The following ABCG2 variants were observed in gnomAD, a reference collection of about 807,000 sequenced individuals.
The protein encoded by ABCG2 is ATP binding cassette subfamily G member 2 (JR blood group), also known as broad substrate specificity ATP-binding cassette transporter ABCG2.
ABCG2 carries 80 observed loss-of-function variants against 73.5 expected under a neutral mutation model. That is an observed-to-expected ratio of 1.09 (90% CI 0.91 to 1.31). The LOEUF (loss-of-function observed/expected upper bound fraction) is 1.31, where lower values mean the gene tolerates loss of function less well. Among genes scored for constraint, ABCG2 ranks in the 50% most tolerant of loss-of-function variants. The probability of loss-of-function intolerance (pLI) is 0.00; values close to 1 mark genes in which losing one functional copy is unlikely to be tolerated. For missense variants in ABCG2, 796 were observed against 786.2 expected (o/e 1.01, Z -0.15); for synonymous variants, 269 against 282.4 (o/e 0.95, Z 0.48).
chr4:88,145,500 T>C (rs1490698942), intron 1 of ABCG2, among the ~76,000 whole-genome samples: 1 of 152,198 alleles, frequency 6.6e-6, no homozygotes, highest in African/African-American at 2.4e-5. Flanking sequence ...CCCCACATCA[T>C]GGCAGCACAG....
intron 10 of ABCG2, among the ~76,000 whole-genome samples, chr4:88,106,695 GT>G (rs1392212638): frequency 6.6e-6 from 1 of 152,184 alleles, no homozygotes; most frequent in Non-Finnish European, 1.5e-5. Context: ...TTGGATGGTG[GT>G]GATAGTTGCA....
At chr4:88,099,491 A>G (rs2110183706) in intron 11 of ABCG2, 43 bp from the exon 12 acceptor site, 1 of 1,551,608 alleles carries the variant, frequency 6.4e-7, no homozygotes, top group South Asian at 1.3e-5. Context: ...GATTAGTTTA[A>G]GAAGCCACAG....
intron 1 of ABCG2, among the ~76,000 whole-genome samples, chr4:88,184,602 T>C (rs1438995846): frequency 5.9e-5 from 9 of 152,120 alleles, no homozygotes; most frequent in Admixed American, 3.3e-4. Context: ...GGAAGAATCA[T>C]TGTTGTTAAA....
intron 1 of ABCG2, among the ~76,000 whole-genome samples, chr4:88,188,506 C>T (rs1728557284): frequency 1.3e-5 from 2 of 152,136 alleles, no homozygotes; most frequent in African/African-American, 4.8e-5. Context: ...AGCCACCACA[C>T]CCAGCCAGAA....
At chr4:88,148,748 A>C (rs1395150451) in intron 1 of ABCG2, among the ~76,000 whole-genome samples, 2 of 152,194 alleles carry the variant, frequency 1.3e-5, no homozygotes, top group African/African-American at 2.4e-5. Context: ...CGTCAACAGG[A>C]AACAGTATTG....
At position 88,118,875 on chromosome 4, in the gene ABCG2, G is replaced by A. The variant is rs115142825; in HGVS notation, c.690-615C>T. On this transcript the variant is annotated intron_variant, in intron 6 of 15. Transcript: ENST00000237612. ...TTATAAATATGTCTTAAAGGATCAA[G>A]CAACTGGCCAAGGGATCACAGTTAG... 8.9e-3 allele frequency among the ~76,000 whole-genome samples: 1,348 copies of A among 152,226 alleles called. 21 individuals are homozygous for A. The highest frequency in any genetic ancestry group is 0.031 in the African/African-American group (1,289 of 41,530).
At chr4:88,176,452 T>C (rs796234366) in intron 1 of ABCG2, among the ~76,000 whole-genome samples, 1 of 149,596 alleles carries the variant, frequency 6.7e-6, no homozygotes, top group South Asian at 2.1e-4. Flanking sequence ...AGATAATAAA[T>C]ACAGTAATGA....
At chr4:88,201,187 A>C (rs945550906) in intron 1 of ABCG2, among the ~76,000 whole-genome samples, 5 of 146,120 alleles carry the variant, frequency 3.4e-5, no homozygotes, top group African/African-American at 5.1e-5. Flanking sequence ...TAAAATTTAT[A>C]AGTCTCCAGT....
chr4:88,127,068 C>A (rs888028670), intron 5 of ABCG2, among the ~76,000 whole-genome samples: 1 of 152,202 alleles, frequency 6.6e-6, no homozygotes, highest in African/African-American at 2.4e-5. Context: ...TGATAAGCAA[C>A]TTCAGCAAAG....
chr4:88,149,373 C>T (rs571135259), intron 1 of ABCG2, among the ~76,000 whole-genome samples: 1 of 152,214 alleles, frequency 6.6e-6, no homozygotes, highest in Non-Finnish European at 1.5e-5. Context: ...TTTTCTTAAT[C>T]TAATCTGCAA....
At chr4:88,228,014 T>C (rs1420509119) in intron 1 of ABCG2, among the ~76,000 whole-genome samples, 2 of 152,084 alleles carry the variant, frequency 1.3e-5, no homozygotes, top group Non-Finnish European at 2.9e-5. Flanking sequence ...CATTCAGAGG[T>C]TGAAATTACA....
chr4:88,109,465 G>A (rs947876515), intron 9 of ABCG2, among the ~76,000 whole-genome samples: 8 of 152,066 alleles, frequency 5.3e-5, no homozygotes, highest in African/African-American at 1.4e-4. Flanking sequence ...AATCAATCCC[G>A]TAACCTTGGC....
intron 1 of ABCG2, among the ~76,000 whole-genome samples, chr4:88,188,275 A>G (rs1728547575): frequency 6.6e-6 from 1 of 152,164 alleles, no homozygotes; most frequent in South Asian, 2.1e-4. Flanking sequence ...TTTGTTGAAA[A>G]TCAATTGCCC....
chr4:88,165,078 C>T (rs372548154), intron 1 of ABCG2, among the ~76,000 whole-genome samples: 3 of 152,040 alleles, frequency 2.0e-5, no homozygotes, highest in Admixed American at 6.6e-5. Context: ...CACATCTGGC[C>T]GAGGTAAATG....
At chr4:88,127,683 T>C (rs1472265959) in intron 5 of ABCG2, among the ~76,000 whole-genome samples, 1 of 152,206 alleles carries the variant, frequency 6.6e-6, no homozygotes, top group Non-Finnish European at 1.5e-5. Flanking sequence ...AAGGATTCTG[T>C]ATTTAATAAA....
chr4:88,096,932 A>T (rs1355702536), intron 13 of ABCG2, among the ~76,000 whole-genome samples: 2 of 152,202 alleles, frequency 1.3e-5, no homozygotes, highest in African/African-American at 2.4e-5. Flanking sequence ...ATGAGGCTTA[A>T]TATGTGTCTT....
chr4:88,225,065 C>A (rs575294921), intron 1 of ABCG2, among the ~76,000 whole-genome samples: 39 of 152,246 alleles, frequency 2.6e-4, no homozygotes, highest in African/African-American at 8.7e-4. Context: ...ATGTTAGGAC[C>A]ACACTGTTTT....
At chr4:88,204,329 G>A (rs1247436942) in intron 1 of ABCG2, among the ~76,000 whole-genome samples, 2 of 152,208 alleles carry the variant, frequency 1.3e-5, no homozygotes, top group Non-Finnish European at 2.9e-5. Flanking sequence ...GCTGAGGCAG[G>A]AGAGTCGCTT....
intron 5 of ABCG2, among the ~76,000 whole-genome samples, chr4:88,126,883 C>T (rs1192400255): frequency 6.6e-6 from 1 of 152,192 alleles, no homozygotes; most frequent in Non-Finnish European, 1.5e-5. Flanking sequence ...AGGACGCACT[C>T]TCTCACCACT....
Sources: gnomAD v4.1 joint callset for allele counts (sites outside exome capture counted in the v4.1 genomes callset) on GRCh38, gnomAD v4.1.1 for gene constraint, MANE v1.5 for transcripts, NCBI Gene and HGNC (gene_info 2026-07-23, HGNC 2026-07-21) for gene names.